The following DAB1 variants were observed in gnomAD, a reference collection of about 807,000 sequenced individuals.
DAB1 encodes the protein disabled homolog 1.
DAB1 carries 15 observed loss-of-function variants against 64.6 expected under a neutral mutation model. The observed-to-expected ratio is 0.23, with a 90% CI of 0.16 to 0.36. DAB1 has a LOEUF of 0.36. Among genes scored for constraint, DAB1 ranks in the 10% least tolerant of loss-of-function variants. The pLI, the probability that DAB1 is intolerant of heterozygous loss-of-function variation, is 1.00. For synonymous variants in DAB1, 235 were observed against 251.9 expected, an observed-to-expected ratio of 0.93 and a Z score of 0.64; for missense variants, 596 against 706.7, an observed-to-expected ratio of 0.84 and a Z score of 1.78.
chr1:57,267,088 T>G (rs1223503378), intron 2 of DAB1, among the ~76,000 whole-genome samples: 2 of 152,098 alleles, frequency 1.3e-5, no homozygotes, highest in South Asian at 4.2e-4. Flanking sequence ...TTAAGAATCT[T>G]GAGATGAAAG....
chr1:58,398,557 A>C (rs1020867733), intron 3 of DAB1, among the ~76,000 whole-genome samples: 1 of 152,220 alleles, frequency 6.6e-6, no homozygotes, highest in African/African-American at 2.4e-5. Context: ...AATAACCTAC[A>C]CTTAGAGAGC....
chr1:57,391,048 A>G (rs764057422), intron 1 of DAB1, among the ~76,000 whole-genome samples: 8 of 152,202 alleles, frequency 5.3e-5, no homozygotes, highest in Admixed American at 1.3e-4. Flanking sequence ...AGCTTAATTA[A>G]TACCTCACAC....
intron 9 of DAB1, among the ~76,000 whole-genome samples, chr1:57,045,697 C>A (rs929357397): frequency 2.0e-5 from 3 of 151,166 alleles, no homozygotes; most frequent in African/African-American, 7.3e-5. Context: ...GACTCCATCT[C>A]AAAAAAATAA....
intron 2 of DAB1, among the ~76,000 whole-genome samples, chr1:57,169,678 A>G (rs909638696): frequency 2.0e-5 from 3 of 152,078 alleles, no homozygotes; most frequent in Non-Finnish European, 4.4e-5. Flanking sequence ...GATCATCCTC[A>G]ATAACTAATC....
At chr1:57,366,994 C>T (rs907824121) in intron 1 of DAB1, among the ~76,000 whole-genome samples, 1 of 150,246 alleles carries the variant, frequency 6.7e-6, no homozygotes, top group South Asian at 2.1e-4. Flanking sequence ...ACCACTTTAG[C>T]CCAGGAGTTC....
intron 1 of DAB1, among the ~76,000 whole-genome samples, chr1:57,883,390 G>A (rs146948863): frequency 8.5e-4 from 130 of 152,298 alleles, no homozygotes; most frequent in African/African-American, 2.9e-3. Context: ...ATTAAAGGAT[G>A]TCAATTTGCA....
chr1:58,237,178 T>G (rs199944914), intron 4 of DAB1, among the ~76,000 whole-genome samples: 4 of 151,572 alleles, frequency 2.6e-5, no homozygotes, highest in Admixed American at 2.6e-4. Flanking sequence ...ATCAGTAGAG[T>G]TCCTTGCACA....
At chr1:57,615,238 T>C (rs145986860) in intron 7 of DAB1, among the ~76,000 whole-genome samples, 1 of 152,370 alleles carries the variant, frequency 6.6e-6, no homozygotes, top group East Asian at 1.9e-4. Flanking sequence ...TACTGTATTT[T>C]ACAGCCCCTT....
At chr1:57,030,762 C>T (rs570991597) in intron 9 of DAB1, among the ~76,000 whole-genome samples, 10 of 152,310 alleles carry the variant, frequency 6.6e-5, no homozygotes, top group South Asian at 2.1e-4. Context: ...TTCTTTAGCA[C>T]GTTAGCAATA....
chr1:57,453,933 G>A (rs1686486284), intron 7 of DAB1, among the ~76,000 whole-genome samples: 1 of 152,180 alleles, frequency 6.6e-6, no homozygotes, highest in Non-Finnish European at 1.5e-5. Flanking sequence ...AGATAATCTT[G>A]TTAATTCTAC....
chr1:57,656,416 T>G (rs538000431), intron 6 of DAB1, among the ~76,000 whole-genome samples: 1 of 152,348 alleles, frequency 6.6e-6, no homozygotes, highest in South Asian at 2.1e-4. Context: ...GTAATTGTGG[T>G]TTTTGTAATT....
chr1:57,003,208 G>T (rs1056624416), intron 14 of DAB1, among the ~76,000 whole-genome samples: 5 of 152,208 alleles, frequency 3.3e-5, no homozygotes, highest in African/African-American at 1.2e-4. Context: ...AACTTCCACC[G>T]TTTGCAGACT....
chr1:57,319,791 C>G (rs1181039808), intron 1 of DAB1, among the ~76,000 whole-genome samples: 3 of 151,434 alleles, frequency 2.0e-5, no homozygotes, highest in African/African-American at 7.3e-5. Flanking sequence ...GTGGGAGTTC[C>G]TTCTGGGAAA....
chr1:58,294,410 A>G (rs1017187194), intron 4 of DAB1, among the ~76,000 whole-genome samples: 5 of 152,304 alleles, frequency 3.3e-5, no homozygotes, highest in African/African-American at 1.2e-4. Flanking sequence ...AACTCAATTT[A>G]ATTTGAGCTA....
intron 1 of DAB1, among the ~76,000 whole-genome samples, chr1:57,325,140 C>A (rs1367460390): frequency 6.6e-6 from 1 of 152,222 alleles, no homozygotes; most frequent in East Asian, 1.9e-4. Context: ...GACTTCCCTG[C>A]ACTTCACTTC....
chr1:57,058,283 C>A (rs1289255497), intron 9 of DAB1, among the ~76,000 whole-genome samples: 1 of 152,088 alleles, frequency 6.6e-6, no homozygotes, highest in Non-Finnish European at 1.5e-5. Context: ...GGAAGAAGGG[C>A]CAGGCAAGAG....
chr1:57,704,779 C>T (rs989909600), intron 6 of DAB1, among the ~76,000 whole-genome samples: 13 of 152,080 alleles, frequency 8.5e-5, no homozygotes, highest in African/African-American at 3.1e-4. Context: ...TTTCTGATTG[C>T]ATTATGCAAA....
chr1:57,869,905 T>C (rs1358120961), intron 1 of DAB1, among the ~76,000 whole-genome samples: 1 of 152,144 alleles, frequency 6.6e-6, no homozygotes, highest in Non-Finnish European at 1.5e-5. Context: ...TCAGTATACT[T>C]ATCCTGGCTG....
chr1:57,916,931 G>A (rs967373757), intron 5 of DAB1, among the ~76,000 whole-genome samples: 11 of 148,416 alleles, frequency 7.4e-5, no homozygotes, highest in African/African-American at 1.5e-4. Context: ...TGTCAAGAGC[G>A]AAACTCTGTC....
Sources: gnomAD v4.1 joint callset for allele counts (sites outside exome capture counted in the v4.1 genomes callset) on GRCh38, gnomAD v4.1.1 for gene constraint, MANE v1.5 for transcripts, NCBI Gene and HGNC (gene_info 2026-07-23, HGNC 2026-07-21) for gene names.